The following ERICH1 variants were observed in gnomAD, a reference collection of about 807,000 sequenced individuals.
ERICH1 encodes the protein glutamate rich 1.
A neutral mutation model predicts 39.6 loss-of-function variants in ERICH1; 56 were observed. The observed-to-expected ratio is 1.41, with a 90% CI of 1.14 to 1.77. The LOEUF is 1.77. Among genes scored for constraint, ERICH1 ranks in the 40% most tolerant of loss-of-function variants. The probability of loss-of-function intolerance (pLI) is 0.00; values close to 1 mark genes in which losing one functional copy is unlikely to be tolerated. For synonymous variants in ERICH1, 313 were observed against 223.6 expected (o/e 1.40, Z -3.57); for missense variants, 826 against 575.4 (o/e 1.44, Z -4.45).
intron 3 of ERICH1, among the ~76,000 whole-genome samples, chr8:635,999 C>G (rs993825109): frequency 6.6e-6 from 1 of 152,240 alleles, no homozygotes; most frequent in African/African-American, 2.4e-5. Flanking sequence ...AGAAACAGCC[C>G]AAAGCTGCAC....
chr8:721,600 T>G (rs1817327779), intron 1 of ERICH1, among the ~76,000 whole-genome samples: 1 of 152,220 alleles, frequency 6.6e-6, no homozygotes, highest in Non-Finnish European at 1.5e-5. Flanking sequence ...TGCATGGCAC[T>G]GATGCCCTTG....
At position 629,757 on chromosome 8, in the gene ERICH1, C is replaced by T. The variant is rs982364767; in HGVS notation, c.977-14473G>A. On this transcript the variant is annotated intron_variant, in intron 3 of 3. Coordinates refer to the ERICH1 transcript ENST00000522706. ...CCCGTGACAACCCACACAGAGCTGA[C>T]TCACACCCTCCTGTGAGCACCCACA... Among the ~76,000 whole-genome samples the T allele has an allele frequency of 3.5e-5, 5 of 144,682 alleles. 1 individual carries two copies. The highest frequency in any genetic ancestry group is 1.4e-4 in the African/African-American group (5 of 36,374). The allele number at this position is 144,682 out of a possible 152,430, so 94.9% of individuals were successfully genotyped here.
intron 3 of ERICH1, among the ~76,000 whole-genome samples, chr8:654,096 A>T (rs1468072834): frequency 6.6e-6 from 1 of 152,192 alleles, no homozygotes; most frequent in Non-Finnish European, 1.5e-5. Context: ...TGGGAACTCT[A>T]CATTTTAAAA....
At chr8:633,928 T>C (rs948124829) in intron 3 of ERICH1, among the ~76,000 whole-genome samples, 1 of 152,030 alleles carries the variant, frequency 6.6e-6, no homozygotes, top group African/African-American at 2.4e-5. Flanking sequence ...AAACCTCTCA[T>C]AAGGAAACAC....
At chr8:620,305 C>G (rs1401680936) in intron 3 of ERICH1, among the ~76,000 whole-genome samples, 4 of 152,086 alleles carry the variant, frequency 2.6e-5, no homozygotes, top group African/African-American at 9.7e-5. Context: ...GAGTGAGACT[C>G]TGTCTCAAAA....
At chr8:625,386 G>A (rs1797545194) in intron 3 of ERICH1, among the ~76,000 whole-genome samples, 2 of 152,202 alleles carry the variant, frequency 1.3e-5, no homozygotes, top group Admixed American at 6.5e-5. Flanking sequence ...GCCAGGTAGT[G>A]TCGTGCCTGT....
At chr8:622,151 G>A (rs1240965794) in intron 3 of ERICH1, among the ~76,000 whole-genome samples, 2 of 152,210 alleles carry the variant, frequency 1.3e-5, no homozygotes, top group African/African-American at 2.4e-5. Flanking sequence ...GATCCCAGGA[G>A]TTTGAGATTA....
intron 3 of ERICH1, among the ~76,000 whole-genome samples, chr8:687,637 AGC>A (rs528671729): frequency 6.6e-6 from 1 of 152,120 alleles, no homozygotes; most frequent in Non-Finnish European, 1.5e-5. Context: ...GGAGGAAGGC[AGC>A]GCGCGGGGAG....
chr8:667,546 C>A (rs2131806932), intron 5 of ERICH1: 1 of 153,168 alleles, frequency 6.5e-6, no homozygotes, highest in South Asian at 2.1e-4. Flanking sequence ...TCCCCACCAG[C>A]CTTCCCCAGT....
intron 1 of ERICH1, among the ~76,000 whole-genome samples, chr8:724,948 C>G (rs1459404907): frequency 6.6e-6 from 1 of 152,188 alleles, no homozygotes; most frequent in Admixed American, 6.5e-5. Context: ...CTGGACCCCA[C>G]TTCTTCCCTG....
intron 3 of ERICH1, among the ~76,000 whole-genome samples, chr8:685,003 G>A (rs1252118789): frequency 6.6e-6 from 1 of 152,184 alleles, no homozygotes; most frequent in Non-Finnish European, 1.5e-5. Context: ...TTGATAACAG[G>A]GTTCAAGAGC....
At chr8:632,094 C>A (rs968148526) in intron 3 of ERICH1, among the ~76,000 whole-genome samples, 111 of 152,276 alleles carry the variant, frequency 7.3e-4, no homozygotes, top group African/African-American at 2.4e-3. Context: ...GGCAGGGCTG[C>A]GAGTCCCACT....
chr8:616,823 G>GGA (rs74212232), intron 3 of ERICH1, among the ~76,000 whole-genome samples: 33 of 76,326 alleles, frequency 4.3e-4, no homozygotes, highest in African/African-American at 1.5e-3. Context: ...AGAGACGGGG[G>GGA]GAGAGAGAGA....
rs750406908 is a variant in ERICH1, at chr8:673,427, C to T, written c.925G>A (p.Ala309Thr). ...GAGTCTGCACCCTCTTCCTCCCCAG[C>T]CCATGTCGGGTCTTCCTCGCTGGCG... ...ADASEEDPTW[A>T]GEEEGADSGE... The change falls in exon 4 of 6, where the codon GCT (alanine) becomes ACT (threonine). Residue 309 changes from alanine to threonine, a missense_variant. By Grantham distance (58) the Ala-to-Thr change is moderately conservative. Coordinates refer to ENST00000262109, the MANE Select transcript of ERICH1 (RefSeq NM_207332.3). 2 of 1,613,554 alleles carry T rather than the reference C, an allele frequency of 1.2e-6. No homozygotes were observed. The highest frequency in any genetic ancestry group is 1.7e-5 in the Admixed American group (1 of 59,980).
chr8:664,554 TTTAAG>T lies in ERICH1; in HGVS notation c.*44_*48del. ...CTCTAAGCCCATCTCACATTTGTCT[TTTAAG>T]TTTTTTTGTTAAAGAGGAGCTGTTC... On this transcript the variant is annotated 3_prime_UTR_variant, in exon 6 of 6. Transcript: ENST00000262109. 1.3e-6 allele frequency: 2 copies of T among 1,574,958 alleles called. No individual in the cohort carries two copies. The highest frequency in any genetic ancestry group is 1.7e-6 in the Non-Finnish European group (2 of 1,162,444).
intron 2 of ERICH1, among the ~76,000 whole-genome samples, chr8:708,685 T>TTTTTTTTTTTG (rs1813940152): frequency 2.1e-5 from 1 of 47,164 alleles, no homozygotes; most frequent in Non-Finnish European, 4.6e-5. Flanking sequence ...TAATGAGTTT[T>TTTTTTTTTTTG]TTTTTTTTTT....
rs141028453 is a variant in ERICH1 at position 657,989 on chromosome 8, C to G, written c.976+10609G>C. Among the ~76,000 whole-genome samples the G allele has an allele frequency of 9.8e-3, 1,491 of 152,328 alleles. 10 individuals are homozygous for G. Among genetic ancestry groups the G allele is most frequent in the Admixed American group, 0.017 (267 of 15,304 alleles). On this transcript the variant is annotated intron_variant, in intron 3 of 3. Coordinates refer to the ERICH1 transcript ENST00000522706. ...AAATACAAGGCTGGGCCCACCAGCC[C>G]CCAAGGGGCATCCAGGAGGGGCCCC...
chr8:615,401 A>C (rs929190970), intron 3 of ERICH1: 10 of 562,720 alleles, frequency 1.8e-5, no homozygotes, highest in Non-Finnish European at 3.1e-5. Context: ...AGTCTTCCTA[A>C]GCCCTGCTTT....
intron 3 of ERICH1, among the ~76,000 whole-genome samples, chr8:644,127 C>T (rs1314686008): frequency 6.6e-6 from 1 of 152,250 alleles, no homozygotes; most frequent in Non-Finnish European, 1.5e-5. Context: ...GGGGCCACTG[C>T]TACAGGGATC....
Sources: allele counts gnomAD v4.1 joint callset (sites outside exome capture counted in the v4.1 genomes callset), GRCh38; gene constraint gnomAD v4.1.1; transcripts MANE v1.5; gene names NCBI Gene and HGNC (gene_info 2026-07-23, HGNC 2026-07-21).